SLC25A21: variants seen among roughly 807,000 people sequenced by gnomAD.
SLC25A21 encodes the protein mitochondrial 2-oxodicarboxylate carrier.
In SLC25A21, 47 loss-of-function variants were observed where a neutral mutation model predicts 43.8. The ratio of observed to expected loss-of-function variants is 1.07; its 90% CI spans 0.85 to 1.37. SLC25A21 has a LOEUF of 1.37. SLC25A21 is among the 40% of genes most tolerant of loss of function. The probability of loss-of-function intolerance (pLI) is 0.00; values close to 1 mark genes in which losing one functional copy is unlikely to be tolerated. For missense variants in SLC25A21, 352 were observed against 350.2 expected, an observed-to-expected ratio of 1.00 and a Z score of -0.04; for synonymous variants, 131 against 121.3, an observed-to-expected ratio of 1.08 and a Z score of -0.52.
At chr14:37,028,875 T>C (rs897030174) in intron 1 of SLC25A21, among the ~76,000 whole-genome samples, 8 of 152,204 alleles carry the variant, frequency 5.3e-5, no homozygotes, top group African/African-American at 1.9e-4. Flanking sequence ...GTTCTTGTTA[T>C]AGCTATTATT....
chr14:37,018,531 C>T (rs1283497400), intron 1 of SLC25A21, among the ~76,000 whole-genome samples: 4 of 151,990 alleles, frequency 2.6e-5, no homozygotes, highest in Non-Finnish European at 4.4e-5. Flanking sequence ...TCTCCTCTTT[C>T]GTATTCCCTA....
intron 1 of SLC25A21, 194 bp downstream of exon 1, chr14:37,172,087 G>A (rs1032000007): frequency 1.7e-5 from 10 of 585,094 alleles, no homozygotes; most frequent in Non-Finnish European, 3.0e-5. Flanking sequence ...TTTACTTGGG[G>A]CACCCACTAC....
chr14:36,957,336 G>A (rs929311114), intron 1 of SLC25A21, among the ~76,000 whole-genome samples: 5 of 151,782 alleles, frequency 3.3e-5, no homozygotes, highest in African/African-American at 7.3e-5. Flanking sequence ...TGGGAAAAGC[G>A]TTCAGAGCTG....
chr14:36,945,122 G>A (rs1311510180), intron 1 of SLC25A21, among the ~76,000 whole-genome samples: 3 of 152,114 alleles, frequency 2.0e-5, no homozygotes, highest in African/African-American at 7.2e-5. Flanking sequence ...GACTACCTGT[G>A]AGGATAAGAA....
intron 1 of SLC25A21, among the ~76,000 whole-genome samples, chr14:37,009,670 T>C (rs1447377645): frequency 6.6e-6 from 1 of 152,194 alleles, no homozygotes; most frequent in Non-Finnish European, 1.5e-5. Context: ...CTGACTTATT[T>C]GTTGCCCTCT....
At chr14:36,903,869 C>G (rs1891463741) in intron 1 of SLC25A21, among the ~76,000 whole-genome samples, 1 of 152,134 alleles carries the variant, frequency 6.6e-6, no homozygotes, top group Non-Finnish European at 1.5e-5. Flanking sequence ...AAGCTGAAAG[C>G]TGATTCTAAA....
chr14:37,094,798 T>C (rs1248040805), intron 1 of SLC25A21, among the ~76,000 whole-genome samples: 1 of 151,534 alleles, frequency 6.6e-6, no homozygotes, highest in Admixed American at 6.6e-5. Flanking sequence ...GAATAAACTA[T>C]GGTATATGGT....
At chr14:36,860,178 G>C (rs558230427) in intron 2 of SLC25A21, among the ~76,000 whole-genome samples, 1 of 152,008 alleles carries the variant, frequency 6.6e-6, no homozygotes, top group Admixed American at 6.6e-5. Flanking sequence ...ACTGGAGATG[G>C]GGCAGCCAAA....
At position 37,017,281 on chromosome 14, in the gene SLC25A21, C is replaced by T. The variant is rs116264798; in HGVS notation, c.71-142277G>A. On this transcript the variant is annotated intron_variant, in intron 1 of 9. Coordinates refer to ENST00000331299, the MANE Select transcript of SLC25A21 (RefSeq NM_030631.4). ...ACACTTAGATGTCACTGTAGGCTTACTAAATGGCCTAATTTTAATATTGTT... is the reference window on the plus strand; with the variant it reads ...ACACTTAGATGTCACTGTAGGCTTATTAAATGGCCTAATTTTAATATTGTT... 9.3e-3 allele frequency among the ~76,000 whole-genome samples: 1,419 copies of T among 152,040 alleles called. 31 individuals carry two copies. The highest frequency in any genetic ancestry group is 0.031 in the African/African-American group (1,288 of 41,476).
At chr14:36,882,638 C>T (rs1890769308) in intron 1 of SLC25A21, among the ~76,000 whole-genome samples, 1 of 152,120 alleles carries the variant, frequency 6.6e-6, no homozygotes, top group Admixed American at 6.6e-5. Context: ...TACCTACACT[C>T]ACTCTCTTGG....
chr14:36,790,392 T>G (rs1291492721), intron 3 of SLC25A21, among the ~76,000 whole-genome samples: 2 of 152,102 alleles, frequency 1.3e-5, no homozygotes, highest in Non-Finnish European at 2.9e-5. Flanking sequence ...TTCGAAGTTC[T>G]GCCACATCTG....
chr14:36,688,565 G>A (rs1882652761), intron 7 of SLC25A21, among the ~76,000 whole-genome samples: 2 of 152,216 alleles, frequency 1.3e-5, no homozygotes, highest in Admixed American at 6.5e-5. Context: ...GCAGCATCAG[G>A]ACGGCTGCCT....
chr14:36,935,287 C>G (rs974769114), intron 1 of SLC25A21, among the ~76,000 whole-genome samples: 1 of 152,072 alleles, frequency 6.6e-6, no homozygotes, highest in African/African-American at 2.4e-5. Context: ...CATATCTTTC[C>G]ATCTCAACTT....
At chr14:36,979,145 G>A (rs952667882) in intron 1 of SLC25A21, among the ~76,000 whole-genome samples, 1 of 152,082 alleles carries the variant, frequency 6.6e-6, no homozygotes, top group African/African-American at 2.4e-5. Flanking sequence ...ACAGCATGAT[G>A]CTGTTCCTTG....
intron 1 of SLC25A21, among the ~76,000 whole-genome samples, chr14:37,025,483 C>T (rs190280198): frequency 1.9e-4 from 29 of 152,204 alleles, no homozygotes; most frequent in African/African-American, 6.7e-4. Flanking sequence ...AGTTAATAAA[C>T]GTGATTATCA....
At chr14:36,848,413 C>T (rs182160529) in intron 2 of SLC25A21, among the ~76,000 whole-genome samples, 114 of 152,268 alleles carry the variant, frequency 7.5e-4, no homozygotes, top group African/African-American at 2.7e-3. Flanking sequence ...AAGCACTTTC[C>T]AAATTATGCA....
rs542501386 is a variant in SLC25A21 at position 37,100,766 on chromosome 14, G to C, written c.70+71515C>G. 2.0e-5 allele frequency among the ~76,000 whole-genome samples: 3 copies of C among 152,278 alleles called. No homozygotes were observed. The South Asian group carries it at 6.2e-4, about 32-fold the overall frequency. ...GTAGTGGGTCAAGTGGGTGATTCTG[G>C]AGTCAGTCCACCTGCCTGGGCAATT... On this transcript the variant is annotated intron_variant, in intron 1 of 9. Transcript: ENST00000331299.
At chr14:36,760,631 A>G (rs1197686720) in intron 3 of SLC25A21, among the ~76,000 whole-genome samples, 1 of 152,200 alleles carries the variant, frequency 6.6e-6, no homozygotes, top group Non-Finnish European at 1.5e-5. Context: ...GTTCTGAAAC[A>G]AATGGTTTAG....
At chr14:37,021,880 G>T (rs1449959940) in intron 1 of SLC25A21, among the ~76,000 whole-genome samples, 3 of 151,870 alleles carry the variant, frequency 2.0e-5, no homozygotes, top group Non-Finnish European at 2.9e-5. Flanking sequence ...ACATTTGCAG[G>T]TGATTCTAAC....
Sources: allele counts gnomAD v4.1 joint callset (sites outside exome capture counted in the v4.1 genomes callset), GRCh38; gene constraint gnomAD v4.1.1; transcripts MANE v1.5; gene names NCBI Gene and HGNC (gene_info 2026-07-23, HGNC 2026-07-21).